YWHAG: variants seen among roughly 807,000 people sequenced by gnomAD.
YWHAG encodes tyrosine 3-monooxygenase/tryptophan 5-monooxygenase activation protein gamma, also known as 14-3-3 protein gamma.
In YWHAG, 1 loss-of-function variant was observed where a neutral mutation model predicts 23.3. The observed-to-expected ratio is 0.04, with a 90% CI of 0.02 to 0.20. YWHAG has a LOEUF of 0.20. Ranked by LOEUF, YWHAG falls within the 10% of genes least tolerant of loss-of-function variation. The pLI is 1.00. For missense variants in YWHAG, 151 were observed against 338.6 expected, an observed-to-expected ratio of 0.45 and a Z score of 4.35; for synonymous variants, 160 against 144.0, an observed-to-expected ratio of 1.11 and a Z score of -0.80.
At chr7:76,347,370 G>C (rs1437531061) in intron 1 of YWHAG, among the ~76,000 whole-genome samples, 2 of 152,212 alleles carry the variant, frequency 1.3e-5, no homozygotes, top group Non-Finnish European at 2.9e-5. Context: ...GCCAAGGCAG[G>C]TGGTTCACCT....
chr7:76,345,406 T>C (rs1448205371), intron 1 of YWHAG, among the ~76,000 whole-genome samples: 6 of 151,894 alleles, frequency 4.0e-5, no homozygotes, highest in Non-Finnish European at 7.4e-5. Context: ...CAGGATAGTC[T>C]CAATCTCCTG....
intron 1 of YWHAG, among the ~76,000 whole-genome samples, chr7:76,352,910 CA>C (rs929451119): frequency 6.6e-6 from 1 of 152,180 alleles, no homozygotes; most frequent in African/African-American, 2.4e-5. Context: ...CTCGACCTCC[CA>C]AAGTGCTGGG....
chr7:76,346,056 T>C (rs750360030), intron 1 of YWHAG, among the ~76,000 whole-genome samples: 6 of 152,230 alleles, frequency 3.9e-5, no homozygotes, highest in African/African-American at 4.8e-5. Flanking sequence ...AAGTCTACAA[T>C]TGTTACCATT....
At chr7:76,335,346 G>A (rs931909313) in intron 1 of YWHAG, among the ~76,000 whole-genome samples, 8 of 152,156 alleles carry the variant, frequency 5.3e-5, no homozygotes, top group South Asian at 2.1e-4. Context: ...GTGAGCCACC[G>A]CGCCCGGCCT....
chr7:76,351,987 C>T (rs1044975102), intron 1 of YWHAG, among the ~76,000 whole-genome samples: 11 of 152,078 alleles, frequency 7.2e-5, no homozygotes, highest in East Asian at 1.9e-4. Flanking sequence ...CCAGGCCAGG[C>T]GGGCCCTCAC....
At chr7:76,336,246 C>T (rs960080271) in intron 1 of YWHAG, among the ~76,000 whole-genome samples, 8 of 152,128 alleles carry the variant, frequency 5.3e-5, no homozygotes, top group African/African-American at 1.9e-4. Flanking sequence ...TAAACTTGTC[C>T]AACTCCACAG....
chr7:76,329,564 T>C lies in YWHAG; in HGVS notation c.*13A>G. 8 of 1,583,206 alleles carry C rather than the reference T, an allele frequency of 5.1e-6. No homozygotes were observed. The highest frequency in any genetic ancestry group is 4.3e-6 in the Non-Finnish European group (5 of 1,161,132). On this transcript the variant is annotated 3_prime_UTR_variant, in exon 2 of 2. Coordinates refer to ENST00000307630, the MANE Select transcript of YWHAG (RefSeq NM_012479.4). This position sits in a 1 kb window ranked among gnomAD's most constrained non-coding sequence, Gnocchi z 6.1. ...TAGTAGCATCCGCGTGCGCTGCCAG[T>C]TCCCCTGGGGCCTTAATTGTTGCCT...
intron 1 of YWHAG, among the ~76,000 whole-genome samples, chr7:76,338,931 G>A (rs1803653143): frequency 6.6e-6 from 1 of 152,144 alleles, no homozygotes; most frequent in African/African-American, 2.4e-5. Flanking sequence ...AGACTGGCTG[G>A]GAAGCAGTCA....
At chr7:76,341,458 G>A (rs1253892923) in intron 1 of YWHAG, among the ~76,000 whole-genome samples, 11 of 144,642 alleles carry the variant, frequency 7.6e-5, no homozygotes, top group Admixed American at 6.9e-4. Flanking sequence ...TCACAGCAAC[G>A]TTAGTCCTAA....
chr7:76,345,566 T>C (rs1033337014), intron 1 of YWHAG, among the ~76,000 whole-genome samples: 1 of 152,052 alleles, frequency 6.6e-6, no homozygotes, highest in African/African-American at 2.4e-5. Flanking sequence ...TCCCCCTCCA[T>C]GGATTCCCAC....
intron 1 of YWHAG, 23 bp from the exon 2 acceptor site, chr7:76,330,256 T>G: frequency 6.2e-7 from 1 of 1,602,258 alleles, no homozygotes; most frequent in Non-Finnish European, 8.5e-7. Flanking sequence ...AAGAACAGAG[T>G]TGTTATGGTA....
intron 1 of YWHAG, among the ~76,000 whole-genome samples, chr7:76,356,460 AAAGGTTTTGG>A (rs1803960498): frequency 6.6e-6 from 1 of 152,176 alleles, no homozygotes; most frequent in Non-Finnish European, 1.5e-5. Flanking sequence ...TCTCAACTTA[AAAGGTTTTGG>A]AACGGGTTTT....
chr7:76,341,075 G>GCCA (rs1803685990), intron 1 of YWHAG, among the ~76,000 whole-genome samples: 1 of 152,108 alleles, frequency 6.6e-6, no homozygotes, highest in Non-Finnish European at 1.5e-5. Flanking sequence ...TGCAGGGGAA[G>GCCA]CCACCGCACC....
At chr7:76,353,710 A>C (rs1054719565) in intron 1 of YWHAG, among the ~76,000 whole-genome samples, 5 of 152,220 alleles carry the variant, frequency 3.3e-5, no homozygotes, top group African/African-American at 1.2e-4. Context: ...TAATTCTGAG[A>C]GGAGAGGCCA....
At chr7:76,333,758 C>T (rs1163102448) in intron 1 of YWHAG, among the ~76,000 whole-genome samples, 3 of 152,268 alleles carry the variant, frequency 2.0e-5, no homozygotes, top group Non-Finnish European at 4.4e-5. Flanking sequence ...CAAACCGCCC[C>T]GCGGTGCAGC....
At position 76,329,573 on chromosome 7, in the gene YWHAG, G is replaced by A. The variant is rs1334022336; in HGVS notation, c.*4C>T. ...CCGCGTGCGCTGCCAGTTCCCCTGG[G>A]GCCTTAATTGTTGCCTTCGCCGCCA... On this transcript the variant is annotated 3_prime_UTR_variant, in exon 2 of 2. Coordinates refer to ENST00000307630, the MANE Select transcript of YWHAG (RefSeq NM_012479.4). The surrounding 1 kb of genome is among the most constrained non-coding windows in gnomAD (Gnocchi z 6.1). 6.2e-7 allele frequency: 1 copy of A among 1,601,680 alleles called. No homozygotes were observed. The highest frequency in any genetic ancestry group is 1.7e-5 in the Admixed American group (1 of 58,938).
At position 76,327,983 on chromosome 7, in the gene YWHAG, T is replaced by G. The variant is rs1371545267; in HGVS notation, c.*1594A>C. 6.6e-6 allele frequency: 1 copy of G among 152,024 alleles called. No individual in the cohort carries two copies. Among genetic ancestry groups the G allele is most frequent in the Non-Finnish European group, 1.5e-5 (1 of 68,018 alleles). 9.4% of individuals were successfully genotyped at this position (152,024 alleles called of 1,614,324 possible). A position where few individuals can be genotyped will look rare whatever the true frequency, so the allele number is the denominator to read the frequency against. On this transcript the variant is annotated 3_prime_UTR_variant, in exon 2 of 2. Coordinates refer to ENST00000307630, the MANE Select transcript of YWHAG (RefSeq NM_012479.4). ...GGTATTAGCAAAAGCATCTGTCAGT[T>G]TTTCCTCAATTACTCACACCTCTTC... is the stretch of plus-strand genomic sequence containing the variant.
intron 1 of YWHAG, among the ~76,000 whole-genome samples, chr7:76,344,947 C>A (rs1270431980): frequency 6.6e-6 from 1 of 152,184 alleles, no homozygotes; most frequent in Non-Finnish European, 1.5e-5. Flanking sequence ...CAACTCCATT[C>A]TTTCTGCAGG....
At chr7:76,339,029 A>G (rs1182872123) in intron 1 of YWHAG, among the ~76,000 whole-genome samples, 3 of 152,230 alleles carry the variant, frequency 2.0e-5, no homozygotes, top group Non-Finnish European at 2.9e-5. Flanking sequence ...ATTCATACCT[A>G]CAATTGAAGC....
Sources: allele counts gnomAD v4.1 joint callset (sites outside exome capture counted in the v4.1 genomes callset), GRCh38; gene constraint gnomAD v4.1.1; non-coding constraint Gnocchi (gnomAD v3.1); transcripts MANE v1.5; gene names NCBI Gene and HGNC (gene_info 2026-07-23, HGNC 2026-07-21).